TAFA5: variants seen among roughly 807,000 people sequenced by gnomAD.
TAFA5 encodes TAFA chemokine like family member 5.
Under a neutral mutation model 15.3 loss-of-function variants are expected in TAFA5, and 6 were observed. That is an observed-to-expected ratio of 0.39 (90% confidence interval 0.21 to 0.77). The LOEUF (loss-of-function observed/expected upper bound fraction) is 0.77, where lower values mean the gene tolerates loss of function less well. Among genes scored for constraint, TAFA5 ranks in the 30% least tolerant of loss-of-function variants. The probability of loss-of-function intolerance (pLI) is 0.41; values close to 1 mark genes in which losing one functional copy is unlikely to be tolerated. For missense variants in TAFA5, 161 were observed against 193.1 expected, an observed-to-expected ratio of 0.83 and a Z score of 0.98; for synonymous variants, 103 against 80.7, an observed-to-expected ratio of 1.28 and a Z score of -1.48.
At chr22:48,673,933 G>A (rs73889560) in intron 2 of TAFA5, among the ~76,000 whole-genome samples, 26,332 of 151,894 alleles carry the variant, frequency 0.17, 2,360 homozygotes, top group South Asian at 0.24. Context: ...GGCTGGCCCC[G>A]GCTCTGGGGT....
intron 1 of TAFA5, among the ~76,000 whole-genome samples, chr22:48,513,361 C>T (rs1374965826): frequency 2.6e-5 from 4 of 152,232 alleles, no homozygotes; most frequent in Admixed American, 2.6e-4. Flanking sequence ...GTTTCCAAGA[C>T]CCTCAGGTCC....
At chr22:48,590,030 G>A (rs1249321846) in intron 1 of TAFA5, among the ~76,000 whole-genome samples, 1 of 151,704 alleles carries the variant, frequency 6.6e-6, no homozygotes, top group Non-Finnish European at 1.5e-5. Flanking sequence ...ACATGCACGC[G>A]TGCTTGGGGG....
intron 3 of TAFA5, among the ~76,000 whole-genome samples, chr22:48,719,942 A>T (rs1377097784): frequency 6.6e-6 from 1 of 152,332 alleles, no homozygotes; most frequent in African/African-American, 2.4e-5. Context: ...CCAAACCCAC[A>T]TTATTTCTGT....
chr22:48,530,226 C>T lies in TAFA5; in HGVS notation c.112+40522C>T, dbSNP rs1358625221. On this transcript the variant is annotated intron_variant, in intron 1 of 3. Transcript: ENST00000402357. The surrounding 1 kb of genome is among the most constrained non-coding windows in gnomAD (Gnocchi z 6.0). ...CATGCATGAGAACTTGAGTGTAAGT[C>T]TCCTCTGCTCCCCTCCTGTGACATC... 6.6e-6 allele frequency among the ~76,000 whole-genome samples: 1 copy of T among 152,164 alleles called. No individual in the cohort carries two copies. Among genetic ancestry groups the T allele is most frequent in the African/African-American group, 2.4e-5 (1 of 41,418 alleles).
At chr22:48,729,158 A>G (rs1364253318) in intron 3 of TAFA5, among the ~76,000 whole-genome samples, 1 of 151,328 alleles carries the variant, frequency 6.6e-6, no homozygotes, top group Non-Finnish European at 1.5e-5. Flanking sequence ...TGCTTAAAAT[A>G]TTAAGTGTTC....
rs547622352 is a variant in TAFA5, at chr22:48,489,938, T to C, written c.112+234T>C. On this transcript the variant is annotated intron_variant, in intron 1 of 3. Transcript: ENST00000402357. This position sits in a 1 kb window ranked among gnomAD's most constrained non-coding sequence, Gnocchi z 5.5. ...CGGACGCCCCGGCCCGAGCCTCCCT[T>C]CCCTGACTCCCCGGCAGGGCCCGGG... is the stretch of plus-strand genomic sequence containing the variant. Among the ~76,000 whole-genome samples the C allele has an allele frequency of 1.3e-5, 2 of 151,700 alleles. No individual in the cohort carries two copies. The highest frequency in any genetic ancestry group is 6.6e-5 in the Admixed American group (1 of 15,256).
chr22:48,662,482 A>C (rs1927476213), intron 2 of TAFA5, among the ~76,000 whole-genome samples: 1 of 131,302 alleles, frequency 7.6e-6, no homozygotes. Context: ...GAAGTGTGTG[A>C]TGGGGGTGAT....
chr22:48,688,992 GA>G (rs78797172), intron 2 of TAFA5, among the ~76,000 whole-genome samples: 26,932 of 82,496 alleles, frequency 0.33, 3,057 homozygotes, highest in Non-Finnish European at 0.37. Context: ...ACTTGTCTCG[GA>G]AAAAAAAAAA....
At chr22:48,664,134 G>A (rs559313158) in intron 2 of TAFA5, among the ~76,000 whole-genome samples, 57 of 152,326 alleles carry the variant, frequency 3.7e-4, no homozygotes, top group Non-Finnish European at 5.3e-4. Flanking sequence ...TGGAAAAGGC[G>A]TTCAGTTTGT....
intron 1 of TAFA5, among the ~76,000 whole-genome samples, chr22:48,538,505 C>T (rs1190582867): frequency 4.6e-5 from 7 of 152,288 alleles, no homozygotes; most frequent in South Asian, 4.1e-4. Flanking sequence ...AGGTGGTGGC[C>T]GGAATCAGAG....
At chr22:48,703,850 G>A (rs1230594035) in intron 2 of TAFA5, among the ~76,000 whole-genome samples, 1 of 152,224 alleles carries the variant, frequency 6.6e-6, no homozygotes, top group Non-Finnish European at 1.5e-5. Flanking sequence ...CCCCACTCCT[G>A]CTGGCCCAGG....
At chr22:48,703,918 C>T (rs945891621) in intron 2 of TAFA5, among the ~76,000 whole-genome samples, 5 of 152,244 alleles carry the variant, frequency 3.3e-5, no homozygotes, top group African/African-American at 9.6e-5. Context: ...AGAAACATCT[C>T]CCTGTTGCAG....
chr22:48,719,669 C>T (rs779339776), intron 3 of TAFA5, among the ~76,000 whole-genome samples: 1 of 152,148 alleles, frequency 6.6e-6, no homozygotes, highest in Non-Finnish European at 1.5e-5. Context: ...CAGAAGTGGC[C>T]GGGGACCCGC....
intron 1 of TAFA5, among the ~76,000 whole-genome samples, chr22:48,526,200 CA>C (rs947143182): frequency 6.6e-5 from 10 of 152,206 alleles, no homozygotes; most frequent in African/African-American, 2.4e-4. Context: ...GGTCTGGCCT[CA>C]TTCTCTCTTT....
At chr22:48,714,205 C>T (rs185185174) in intron 3 of TAFA5, among the ~76,000 whole-genome samples, 51 of 152,244 alleles carry the variant, frequency 3.3e-4, no homozygotes, top group African/African-American at 1.1e-3. Context: ...GAGACACTCA[C>T]ACTTCCTTTA....
intron 1 of TAFA5, among the ~76,000 whole-genome samples, chr22:48,534,161 GGGGCCAGGCAGGTGAGGT>G (rs973582093): frequency 2.9e-4 from 44 of 150,388 alleles, no homozygotes; most frequent in Admixed American, 6.0e-4. Context: ...GCAGGTGAGG[GGGGCCAGGCAGGTGAGGT>G]GGGTCAAGCA....
intron 3 of TAFA5, among the ~76,000 whole-genome samples, chr22:48,733,305 G>A (rs991122726): frequency 1.3e-5 from 2 of 152,222 alleles, no homozygotes; most frequent in Non-Finnish European, 2.9e-5. Context: ...CTGGAGGGTA[G>A]GGCAGGCCCA....
chr22:48,544,468 C>G (rs926424042), intron 1 of TAFA5: 4 of 348,966 alleles, frequency 1.1e-5, no homozygotes, highest in Non-Finnish European at 1.7e-5. Context: ...GACAAGGCAG[C>G]CGTTTGTTGA....
intron 1 of TAFA5, among the ~76,000 whole-genome samples, chr22:48,596,327 G>T (rs2147161662): frequency 6.6e-6 from 1 of 152,314 alleles, no homozygotes; most frequent in Non-Finnish European, 1.5e-5. Context: ...TCTGGGTTCT[G>T]GGCCCTGGGC....
Sources: gnomAD v4.1 joint callset for allele counts (sites outside exome capture counted in the v4.1 genomes callset) on GRCh38, gnomAD v4.1.1 for gene constraint, Gnocchi (gnomAD v3.1) non-coding constraint, MANE v1.5 for transcripts, NCBI Gene and HGNC (gene_info 2026-07-23, HGNC 2026-07-21) for gene names.